PLEKHD1: variants seen among roughly 807,000 people sequenced by gnomAD.
The protein encoded by PLEKHD1 is pleckstrin homology and coiled-coil domain containing D1.
PLEKHD1 carries 51 observed loss-of-function variants against 69.2 expected under a neutral mutation model. That is an observed-to-expected ratio of 0.74 (90% CI 0.59 to 0.93). The LOEUF is 0.93. Among genes scored for constraint, PLEKHD1 ranks in the 40% least tolerant of loss-of-function variants. The pLI is 0.00. For missense variants in PLEKHD1, 584 were observed against 641.0 expected (o/e 0.91, Z 0.96); for synonymous variants, 236 against 244.7 (o/e 0.96, Z 0.33).
At chr14:69,523,977 C>T (rs1883580054) in intron 7 of PLEKHD1, among the ~76,000 whole-genome samples, 1 of 152,116 alleles carries the variant, frequency 6.6e-6, no homozygotes, top group Non-Finnish European at 1.5e-5. Flanking sequence ...GTGGGGTGGC[C>T]CTAGGTTTAT....
At chr14:69,497,669 G>T (rs969358748) in intron 1 of PLEKHD1, among the ~76,000 whole-genome samples, 1 of 152,256 alleles carries the variant, frequency 6.6e-6, no homozygotes, top group African/African-American at 2.4e-5. Flanking sequence ...AGGACAGAGA[G>T]GCTGAAGGGC....
chr14:69,483,004 T>C (rs564793642), upstream of PLEKHD1, among the ~76,000 whole-genome samples: 1 of 152,020 alleles, frequency 6.6e-6, no homozygotes, highest in African/African-American at 2.4e-5. Context: ...GTGTCAGAAA[T>C]AGACAAAAAA....
At chr14:69,482,941 A>G (rs1430508861), upstream of PLEKHD1, among the ~76,000 whole-genome samples, 1 of 152,014 alleles carries the variant, frequency 6.6e-6, no homozygotes, top group Non-Finnish European at 1.5e-5. Flanking sequence ...GAAAAAAGAA[A>G]GAAAAGAAAA....
the PLEKHD1 span, among the ~76,000 whole-genome samples, chr14:69,477,720 T>C: frequency 6.6e-6 from 1 of 152,234 alleles, no homozygotes. Flanking sequence ...AACGATCTCC[T>C]TTGACTCCAT....
chr14:69,522,906 A>T (rs1021298861), intron 7 of PLEKHD1, among the ~76,000 whole-genome samples: 17 of 152,004 alleles, frequency 1.1e-4, no homozygotes, highest in African/African-American at 3.6e-4. Flanking sequence ...ATCTATATAC[A>T]TGTATATATG....
In PLEKHD1 at chr14:69,493,061, C is replaced by G. The variant is rs147586641; in HGVS notation, c.150-7054C>G. Among the ~76,000 whole-genome samples the G allele has an allele frequency of 6.8e-3, 1,035 of 152,314 alleles. 13 individuals carry two copies. Among genetic ancestry groups the G allele is most frequent in the African/African-American group, 0.024 (986 of 41,562 alleles). On this transcript the variant is annotated intron_variant, in intron 1 of 12. Coordinates refer to ENST00000322564, the MANE Select transcript of PLEKHD1 (RefSeq NM_001161498.2). ...GGATTACAGGCGTGAGCCACCACAC[C>G]CGGCCAATATTAGCTATTTTTAAAA...
intron 1 of PLEKHD1, among the ~76,000 whole-genome samples, chr14:69,487,793 A>T (rs993775217): frequency 6.6e-6 from 1 of 152,166 alleles, no homozygotes; most frequent in Non-Finnish European, 1.5e-5. Context: ...GTGAGTGGAG[A>T]TGGAAGTGCA....
At chr14:69,479,954 A>C (rs1882513848), upstream of PLEKHD1, among the ~76,000 whole-genome samples, 1 of 152,216 alleles carries the variant, frequency 6.6e-6, no homozygotes. Context: ...AAATGGCAGC[A>C]CCTGAACAGA....
In PLEKHD1 at chr14:69,524,212, G is replaced by A. The variant is rs1371321680; in HGVS notation, c.651-17G>A. ...GGGAGAGTGGGCACTGCCATACCCA[G>A]CCCTCTGTCTCCACAGGGAGCTGGA... On this transcript the variant is annotated splice_polypyrimidine_tract_variant and intron_variant, in intron 7 of 12. Transcript: ENST00000322564. 6.5e-7 allele frequency: 1 copy of A among 1,543,382 alleles called. No homozygotes were observed. The highest frequency in any genetic ancestry group is 2.0e-5 in the Admixed American group (1 of 50,982).
At chr14:69,471,566 C>G in the PLEKHD1 span, among the ~76,000 whole-genome samples, 1 of 152,076 alleles carries the variant, frequency 6.6e-6, no homozygotes, top group Non-Finnish European at 1.5e-5. Context: ...GGAGTCTAGA[C>G]CTGGTTCAAG....
At chr14:69,493,201 A>G (rs1205175265) in intron 1 of PLEKHD1, among the ~76,000 whole-genome samples, 2 of 152,252 alleles carry the variant, frequency 1.3e-5, no homozygotes, top group Non-Finnish European at 2.9e-5. Context: ...GGAATCAGTC[A>G]TGCTCTCTGA....
the PLEKHD1 span, among the ~76,000 whole-genome samples, chr14:69,468,318 C>T: frequency 1.3e-5 from 2 of 152,162 alleles, no homozygotes; most frequent in Non-Finnish European, 1.5e-5. Flanking sequence ...GTATGAAAAG[C>T]AGTTTACCAG....
chr14:69,521,421 G>A (rs1442035418), intron 6 of PLEKHD1, among the ~76,000 whole-genome samples: 2 of 152,182 alleles, frequency 1.3e-5, no homozygotes, highest in East Asian at 3.8e-4. Context: ...CCCCAGTGGG[G>A]TTTCCATTAA....
Position 69,527,896 on chromosome 14 carries a change from T to G in PLEKHD1, c.1315T>G (p.Phe439Val). ...CACTCGCCGCATCAAGAGCTGCCGC[T>G]TCCACCGACGCCGGTCCAGCACCTC... is the stretch of plus-strand genomic sequence containing the variant. ...AATRRIKSCR[F>V]HRRRSSTSWN... Residue 439 changes from phenylalanine to valine, a missense_variant, in exon 12 of 13, where the codon TTC becomes GTC. Coordinates refer to ENST00000322564, the MANE Select transcript of PLEKHD1 (RefSeq NM_001161498.2). The G allele has an allele frequency of 6.4e-7, 1 of 1,551,558 alleles. No homozygotes were observed.
the PLEKHD1 span, among the ~76,000 whole-genome samples, chr14:69,469,833 G>A: frequency 1.3e-5 from 2 of 151,908 alleles, no homozygotes; most frequent in Admixed American, 1.3e-4. Flanking sequence ...GCATCCTTCT[G>A]CCTCAGCCTC....
intron 2 of PLEKHD1, 64 bp from the exon 3 acceptor site, chr14:69,500,513 C>T (rs1882999039): frequency 7.1e-7 from 1 of 1,415,744 alleles, no homozygotes; most frequent in African/African-American, 1.4e-5. Flanking sequence ...TCCAGGGGCC[C>T]CCAGAACCCC....
chr14:69,476,928 G>T, the PLEKHD1 span, among the ~76,000 whole-genome samples: 2 of 152,198 alleles, frequency 1.3e-5, no homozygotes, highest in Non-Finnish European at 2.9e-5. Context: ...ATGGCGGAAG[G>T]TGAAAGGCAT....
chr14:69,495,591 A>G (rs766495289), intron 1 of PLEKHD1, among the ~76,000 whole-genome samples: 2 of 152,204 alleles, frequency 1.3e-5, no homozygotes, highest in Non-Finnish European at 2.9e-5. Context: ...GGTATGTGGA[A>G]AGTACTCTAT....
intron 6 of PLEKHD1, among the ~76,000 whole-genome samples, chr14:69,510,987 T>C (rs1005800660): frequency 1.3e-5 from 2 of 152,248 alleles, no homozygotes; most frequent in African/African-American, 4.8e-5. Context: ...TTTTGTCAAA[T>C]GCTTTTTCCA....
Sources: allele counts gnomAD v4.1 joint callset (sites outside exome capture counted in the v4.1 genomes callset), GRCh38; gene constraint gnomAD v4.1.1; transcripts MANE v1.5; gene names NCBI Gene and HGNC (gene_info 2026-07-23, HGNC 2026-07-21).